The following TGFA variants were observed in gnomAD, a reference collection of about 807,000 sequenced individuals.
TGFA encodes transforming growth factor alpha, also known as protransforming growth factor alpha.
Under a neutral mutation model 21.7 loss-of-function variants are expected in TGFA, and 12 were observed. That is an observed-to-expected ratio of 0.55 (90% CI 0.35 to 0.90). The LOEUF (loss-of-function observed/expected upper bound fraction) is 0.90, where lower values mean the gene tolerates loss of function less well. Ranked by LOEUF, TGFA falls within the 40% of genes least tolerant of loss-of-function variation. TGFA has a pLI of 0.01. For synonymous variants in TGFA, 79 were observed against 88.1 expected, an observed-to-expected ratio of 0.90 and a Z score of 0.58; for missense variants, 178 against 210.8, an observed-to-expected ratio of 0.84 and a Z score of 0.96.
At chr2:70,518,940 C>G (rs1296788445) in intron 1 of TGFA, among the ~76,000 whole-genome samples, 4 of 152,214 alleles carry the variant, frequency 2.6e-5, no homozygotes, top group South Asian at 4.1e-4. Context: ...TTGGGATCCT[C>G]TAAGCCAGAC....
chr2:70,450,806 T>C lies in TGFA; in HGVS notation c.*53A>G. On this transcript the variant is annotated 3_prime_UTR_variant, in exon 6 of 6. Coordinates refer to ENST00000295400, the MANE Select transcript of TGFA (RefSeq NM_003236.4). ...CTGGCAGTGCTGTCCTGAAGAAGCC[T>C]TTCTTTATTGATCTGCCACAGTCCA... 1 of 1,599,424 alleles carries C rather than the reference T, an allele frequency of 6.3e-7. No homozygotes were observed.
chr2:70,503,430 G>T (rs1215369098), intron 2 of TGFA, among the ~76,000 whole-genome samples: 1 of 149,020 alleles, frequency 6.7e-6, no homozygotes, highest in Non-Finnish European at 1.5e-5. Flanking sequence ...GTTGTGAGGT[G>T]GGGGGAGGGG....
chr2:70,455,760 G>A (rs530041159), intron 4 of TGFA, among the ~76,000 whole-genome samples: 1 of 152,252 alleles, frequency 6.6e-6, no homozygotes, highest in African/African-American at 2.4e-5. Flanking sequence ...GCAAGCAAAT[G>A]GGGCCAGGAC....
chr2:70,461,569 C>T (rs1343145333), intron 3 of TGFA: 2 of 152,192 alleles, frequency 1.3e-5, no homozygotes, highest in South Asian at 2.1e-4. Flanking sequence ...GTTGGGTCAC[C>T]GAGGAGCATT....
chr2:70,478,259 T>C (rs1553494830), intron 2 of TGFA, among the ~76,000 whole-genome samples: 1 of 152,128 alleles, frequency 6.6e-6, no homozygotes, highest in Non-Finnish European at 1.5e-5. Context: ...AAACAAAATA[T>C]AAAATGGTGC....
intron 1 of TGFA, among the ~76,000 whole-genome samples, chr2:70,524,234 C>T (rs551467192): frequency 2.0e-5 from 3 of 152,352 alleles, no homozygotes; most frequent in African/African-American, 7.2e-5. Flanking sequence ...ACATCTTTAT[C>T]CAACAGTGTT....
At chr2:70,537,402 T>C (rs782665433) in intron 1 of TGFA, among the ~76,000 whole-genome samples, 4 of 152,198 alleles carry the variant, frequency 2.6e-5, no homozygotes, top group Non-Finnish European at 4.4e-5. Flanking sequence ...CTAGAAATGA[T>C]TGCACTTAGT....
In TGFA at chr2:70,522,575, A is replaced by G. The variant is rs147249872; in HGVS notation, c.41-7663T>C. Among the ~76,000 whole-genome samples the G allele has an allele frequency of 9.5e-3, 1,441 of 152,234 alleles. 24 individuals carry two copies. Among genetic ancestry groups the G allele is most frequent in the African/African-American group, 0.033 (1,387 of 41,514 alleles). On this transcript the variant is annotated intron_variant, in intron 1 of 5. Transcript: ENST00000295400. ...TCAGCCTCCTGAATAGCTGGGATAC[A>G]GGTGTGTGTCATCACACCCGGCTAA...
intron 4 of TGFA, among the ~76,000 whole-genome samples, chr2:70,456,029 G>T (rs1670217209): frequency 1.3e-5 from 2 of 152,360 alleles, no homozygotes; most frequent in Admixed American, 1.3e-4. Flanking sequence ...TGGAGCACCT[G>T]CCCATGTCAT....
chr2:70,458,929 G>A (rs1485068560), intron 3 of TGFA, among the ~76,000 whole-genome samples: 2 of 152,170 alleles, frequency 1.3e-5, no homozygotes, highest in African/African-American at 4.8e-5. Flanking sequence ...GGGGAGCCTG[G>A]GCTTTGGAAT....
chr2:70,462,512 T>C (rs1351098341), intron 3 of TGFA, among the ~76,000 whole-genome samples: 1 of 152,060 alleles, frequency 6.6e-6, no homozygotes, highest in Admixed American at 6.6e-5. Flanking sequence ...AGGTGGAGAA[T>C]GAAGGGCTGG....
At chr2:70,470,276 G>A (rs1435281862) in intron 2 of TGFA, among the ~76,000 whole-genome samples, 1 of 152,138 alleles carries the variant, frequency 6.6e-6, no homozygotes, top group Admixed American at 6.5e-5. Context: ...GCAGCAATGA[G>A]CAAAACAGGC....
chr2:70,485,289 A>G (rs1671236090), intron 2 of TGFA, among the ~76,000 whole-genome samples: 1 of 152,086 alleles, frequency 6.6e-6, no homozygotes, highest in Non-Finnish European at 1.5e-5. Flanking sequence ...CCCAGGCTAG[A>G]GTGCAGTGGC....
intron 2 of TGFA, among the ~76,000 whole-genome samples, chr2:70,507,400 CGA>C (rs1671958846): frequency 6.6e-6 from 1 of 152,198 alleles, no homozygotes; most frequent in Admixed American, 6.5e-5. Flanking sequence ...TTTATAAGTT[CGA>C]GTTACATCAT....
intron 2 of TGFA, among the ~76,000 whole-genome samples, chr2:70,512,027 G>C (rs1553501006): frequency 6.8e-6 from 1 of 147,696 alleles, no homozygotes; most frequent in Non-Finnish European, 1.5e-5. Flanking sequence ...GGTGATGAGA[G>C]AGTGGGTGGG....
Position 70,521,617 on chromosome 2 carries a change from G to GTTTTTTTTTTTTTTTTTTTTTTTTTT in TGFA, c.41-6706_41-6705insAAAAAAAAAAAAAAAAAAAAAAAAAA, listed in dbSNP as rs35177436. Reference sequence around the variant, plus strand: ...TAGTTTTTTTTGTTGTTGTTTGTTTGTTTTTTTTTTTTTTTTTTTTTGAGT... The same window carrying GTTTTTTTTTTTTTTTTTTTTTTTTTT: ...TAGTTTTTTTTGTTGTTGTTTGTTTGTTTTTTTTTTTTTTTTTTTTTTTTTTTTTTTTTTTTTTTTTTTTTTTGAGT... On this transcript the variant is annotated intron_variant, in intron 1 of 5. Coordinates refer to ENST00000295400, the MANE Select transcript of TGFA (RefSeq NM_003236.4). 8.0e-5 allele frequency among the ~76,000 whole-genome samples: 7 copies of GTTTTTTTTTTTTTTTTTTTTTTTTTT among 87,092 alleles called. 1 individual carries two copies. Among genetic ancestry groups the GTTTTTTTTTTTTTTTTTTTTTTTTTT allele is most frequent in the Non-Finnish European group, 1.0e-4 (5 of 48,596 alleles). The allele number at this position is 87,092 out of a possible 152,430, so 57.1% of individuals were successfully genotyped here.
chr2:70,488,320 T>G (rs1275856016), intron 2 of TGFA, among the ~76,000 whole-genome samples: 1 of 152,206 alleles, frequency 6.6e-6, no homozygotes, highest in African/African-American at 2.4e-5. Flanking sequence ...TTACCTACAC[T>G]TCCTTCCATT....
At chr2:70,523,192 C>T (rs1306008540) in intron 1 of TGFA, among the ~76,000 whole-genome samples, 1 of 152,078 alleles carries the variant, frequency 6.6e-6, no homozygotes, top group Non-Finnish European at 1.5e-5. Flanking sequence ...ATTTTCCTAC[C>T]CTTAACTCAT....
intron 1 of TGFA, among the ~76,000 whole-genome samples, chr2:70,526,664 C>T (rs566773460): frequency 6.6e-6 from 1 of 152,278 alleles, no homozygotes; most frequent in Non-Finnish European, 1.5e-5. Context: ...AATGCAATAG[C>T]TCTGCTATGG....
Sources: gnomAD v4.1 joint callset for allele counts (sites outside exome capture counted in the v4.1 genomes callset) on GRCh38, gnomAD v4.1.1 for gene constraint, MANE v1.5 for transcripts, NCBI Gene and HGNC (gene_info 2026-07-23, HGNC 2026-07-21) for gene names.